SORCS2: variants seen among roughly 807,000 people sequenced by gnomAD.
The protein encoded by SORCS2 is VPS10 domain-containing receptor SorCS2.
Under a neutral mutation model 141.6 loss-of-function variants are expected in SORCS2, and 100 were observed. The ratio of observed to expected loss-of-function variants is 0.71; its 90% CI spans 0.60 to 0.83. SORCS2 has a LOEUF of 0.83. Ranked by LOEUF, SORCS2 falls within the 40% of genes least tolerant of loss-of-function variation. The pLI, the probability that SORCS2 is intolerant of heterozygous loss-of-function variation, is 0.00. For synonymous variants in SORCS2, 789 were observed against 676.9 expected, an observed-to-expected ratio of 1.17 and a Z score of -2.57; for missense variants, 1,646 against 1,560.2, an observed-to-expected ratio of 1.05 and a Z score of -0.93.
intron 1 of SORCS2, among the ~76,000 whole-genome samples, chr4:7,324,665 T>C (rs540189889): frequency 1.3e-5 from 2 of 152,292 alleles, no homozygotes; most frequent in African/African-American, 4.8e-5. Context: ...GATGGGCTTT[T>C]TGCCAGGAGA....
At chr4:7,204,072 C>T (rs750636026) in intron 1 of SORCS2, among the ~76,000 whole-genome samples, 2 of 152,080 alleles carry the variant, frequency 1.3e-5, no homozygotes, top group Non-Finnish European at 2.9e-5. Context: ...TGTGGATGGG[C>T]GTTTGGGTTG....
chr4:7,619,590 A>T (rs1328824421), intron 3 of SORCS2, among the ~76,000 whole-genome samples: 1 of 152,128 alleles, frequency 6.6e-6, no homozygotes, highest in East Asian at 1.9e-4. Context: ...GTGCCCAATG[A>T]CTGTGGTCCC....
intron 2 of SORCS2, among the ~76,000 whole-genome samples, chr4:7,499,924 A>C (rs1164586228): frequency 6.6e-6 from 1 of 152,066 alleles, no homozygotes; most frequent in East Asian, 1.9e-4. Context: ...GTCAGGTCCC[A>C]GGGGAGGCAG....
chr4:7,554,094 G>T (rs73214652), intron 3 of SORCS2, among the ~76,000 whole-genome samples: 1,422 of 68,430 alleles, frequency 0.021, 10 homozygotes, highest in Middle Eastern at 0.058. Context: ...CAAATGCAAG[G>T]CCAAAAAATC....
chr4:7,194,876 G>A (rs1727076242), intron 1 of SORCS2, among the ~76,000 whole-genome samples: 1 of 152,198 alleles, frequency 6.6e-6, no homozygotes, highest in Non-Finnish European at 1.5e-5. Flanking sequence ...CTGCCGAGGT[G>A]GTTGATCCTG....
chr4:7,250,724 C>T (rs1047289754), intron 1 of SORCS2, among the ~76,000 whole-genome samples: 2 of 152,260 alleles, frequency 1.3e-5, no homozygotes, highest in African/African-American at 4.8e-5. Flanking sequence ...GGCCGAGGAA[C>T]AGCTGGGCAG....
At position 7,736,585 on chromosome 4, in the gene SORCS2, A is replaced by G. The variant is rs568324435; in HGVS notation, c.3312-484A>G. 5.3e-5 allele frequency among the ~76,000 whole-genome samples: 8 copies of G among 151,852 alleles called. No homozygotes were observed. In the South Asian group the frequency reaches 1.7e-3, roughly 32 times the overall value. ...CAGTGGAGGCAGCGGGGCTGTGCCC[A>G]CCCTCTCCCTTTCCTCGCTGGGAAA... On this transcript the variant is annotated intron_variant, in intron 25 of 26. Transcript: ENST00000507866.
intron 2 of SORCS2, among the ~76,000 whole-genome samples, chr4:7,496,445 C>A (rs1165925845): frequency 2.0e-5 from 1 of 48,846 alleles, no homozygotes; most frequent in Non-Finnish European, 5.3e-5. Context: ...CCCCCACTCC[C>A]CACCCGTTCC....
chr4:7,478,137 C>T (rs1730414210), intron 2 of SORCS2, among the ~76,000 whole-genome samples: 1 of 152,182 alleles, frequency 6.6e-6, no homozygotes, highest in African/African-American at 2.4e-5. Context: ...CCGCAGCAGA[C>T]CACCCATAAC....
At chr4:7,418,704 C>A (rs899809570) in intron 2 of SORCS2, among the ~76,000 whole-genome samples, 44 of 98,374 alleles carry the variant, frequency 4.5e-4, no homozygotes, top group East Asian at 8.4e-4. Context: ...AACAAATGAC[C>A]CCCCCCCCCA....
intron 2 of SORCS2, among the ~76,000 whole-genome samples, chr4:7,471,831 GTCACCCACAGTGGGGCAGC>G (rs1306993085): frequency 6.6e-6 from 1 of 152,240 alleles, no homozygotes; most frequent in Non-Finnish European, 1.5e-5. Flanking sequence ...CCCAGGCGGA[GTCACCCACAGTGGGGCAGC>G]CCCTGCACAG....
rs1728894869 is a variant in SORCS2 at position 7,224,623 on chromosome 4, CTA to C, written c.480+31498_480+31499del. Among the ~76,000 whole-genome samples the C allele has an allele frequency of 2.6e-5, 4 of 152,342 alleles. No individual in the cohort carries two copies. In the South Asian group the frequency reaches 8.3e-4, roughly 32 times the overall value. On this transcript the variant is annotated intron_variant, in intron 1 of 26. Coordinates refer to ENST00000507866, the MANE Select transcript of SORCS2 (RefSeq NM_020777.3). ...CTGTACAGTGCAAAGGAGGGTGGCA[CTA>C]AACCATTCATGAGAACTCCATCCCC...
At chr4:7,654,827 C>T (rs892888374) in intron 5 of SORCS2, among the ~76,000 whole-genome samples, 9 of 152,160 alleles carry the variant, frequency 5.9e-5, no homozygotes, top group Non-Finnish European at 8.8e-5. Context: ...GAGCCAGACC[C>T]GAGAAAGGAG....
At chr4:7,425,565 T>G (rs934889650) in intron 2 of SORCS2, among the ~76,000 whole-genome samples, 3 of 152,214 alleles carry the variant, frequency 2.0e-5, no homozygotes, top group Non-Finnish European at 4.4e-5. Flanking sequence ...CTCTGCTCCT[T>G]TCCTTGGTCT....
At chr4:7,616,986 A>C (rs2108819739) in intron 3 of SORCS2, among the ~76,000 whole-genome samples, 1 of 152,352 alleles carries the variant, frequency 6.6e-6, no homozygotes, top group Non-Finnish European at 1.5e-5. Flanking sequence ...GGGCTCCAGC[A>C]GGTGGACAAT....
chr4:7,258,369 T>A (rs773013293), intron 1 of SORCS2, among the ~76,000 whole-genome samples: 8 of 152,166 alleles, frequency 5.3e-5, no homozygotes, highest in Non-Finnish European at 1.0e-4. Flanking sequence ...ATTGTTCAGC[T>A]CCCATTTATG....
At chr4:7,210,868 G>A (rs904396246) in intron 1 of SORCS2, among the ~76,000 whole-genome samples, 1 of 152,164 alleles carries the variant, frequency 6.6e-6, no homozygotes, top group Non-Finnish European at 1.5e-5. Flanking sequence ...TCATTCCTGA[G>A]CCCCCAACAA....
chr4:7,640,809 G>T (rs982997505), intron 4 of SORCS2, among the ~76,000 whole-genome samples: 1 of 152,158 alleles, frequency 6.6e-6, no homozygotes, highest in African/African-American at 2.4e-5. Flanking sequence ...CTGGCTCTGG[G>T]TAGAGCAACT....
intron 1 of SORCS2, among the ~76,000 whole-genome samples, chr4:7,342,972 C>T (rs1720447254): frequency 6.6e-6 from 1 of 152,114 alleles, no homozygotes; most frequent in Non-Finnish European, 1.5e-5. Flanking sequence ...TTCAGAGGTA[C>T]ATGGAACTGA....
Sources: allele counts gnomAD v4.1 joint callset (sites outside exome capture counted in the v4.1 genomes callset), GRCh38; gene constraint gnomAD v4.1.1; transcripts MANE v1.5; gene names NCBI Gene and HGNC (gene_info 2026-07-23, HGNC 2026-07-21).